The following BBX variants were observed in gnomAD, a reference collection of about 807,000 sequenced individuals.
BBX encodes BBX high mobility group box domain containing, also known as HMG box transcription factor BBX.
A neutral mutation model predicts 100.2 loss-of-function variants in BBX; 30 were observed. The observed-to-expected ratio is 0.30, with a 90% CI of 0.22 to 0.41. The LOEUF (loss-of-function observed/expected upper bound fraction) is 0.41, where lower values mean the gene tolerates loss of function less well. Ranked by LOEUF, BBX falls within the 10% of genes least tolerant of loss-of-function variation. BBX has a pLI of 1.00. For synonymous variants in BBX, 376 were observed against 388.1 expected (o/e 0.97, Z 0.37); for missense variants, 1,023 against 1,129.8 (o/e 0.91, Z 1.35).
intron 10 of BBX, among the ~76,000 whole-genome samples, chr3:107,756,019 A>G (rs17812499): frequency 1.3e-5 from 2 of 152,086 alleles, no homozygotes; most frequent in Non-Finnish European, 2.9e-5. Flanking sequence ...CCGTCTATAA[A>G]TCTCCAGAAT....
At chr3:107,718,922 A>G (rs2062315198) in intron 5 of BBX, among the ~76,000 whole-genome samples, 1 of 152,076 alleles carries the variant, frequency 6.6e-6, no homozygotes, top group Non-Finnish European at 1.5e-5. Context: ...GCTACTTTCA[A>G]AATTATTACA....
chr3:107,780,934 A>G (rs2067815054), intron 13 of BBX, among the ~76,000 whole-genome samples: 1 of 152,030 alleles, frequency 6.6e-6, no homozygotes, highest in African/African-American at 2.4e-5. Flanking sequence ...ATAAAAGAGT[A>G]TATGTCCATC....
chr3:107,699,052 C>T (rs369025257), intron 3 of BBX, among the ~76,000 whole-genome samples: 3 of 151,706 alleles, frequency 2.0e-5, no homozygotes, highest in Non-Finnish European at 2.9e-5. Context: ...GCAGTGCGCC[C>T]GGCTCTGTGT....
intron 3 of BBX, among the ~76,000 whole-genome samples, chr3:107,689,839 T>G (rs190343073): frequency 4.8e-4 from 73 of 152,304 alleles, no homozygotes; most frequent in African/African-American, 1.7e-3. Flanking sequence ...TGGAAGAAAG[T>G]ACCTGTGTTT....
At chr3:107,767,823 C>T (rs978044235) in intron 10 of BBX, among the ~76,000 whole-genome samples, 5 of 152,058 alleles carry the variant, frequency 3.3e-5, no homozygotes, top group Admixed American at 2.6e-4. Flanking sequence ...TTCCTTGGCT[C>T]CTATGTCCCC....
chr3:107,683,370 A>G (rs1286052610), intron 3 of BBX, among the ~76,000 whole-genome samples: 1 of 152,140 alleles, frequency 6.6e-6, no homozygotes, highest in Non-Finnish European at 1.5e-5. Context: ...TTTGCCATGT[A>G]TCATAAAATT....
At chr3:107,661,982 C>T (rs956207241) in intron 3 of BBX, 33 of 831,818 alleles carry the variant, frequency 4.0e-5, no homozygotes, top group Middle Eastern at 6.1e-4. Context: ...CTACTGTTCA[C>T]GCAGCATAGT....
chr3:107,701,978 A>C (rs2061092432), intron 3 of BBX, among the ~76,000 whole-genome samples: 1 of 152,212 alleles, frequency 6.6e-6, no homozygotes, highest in Admixed American at 6.5e-5. Context: ...GAGTTGAGAA[A>C]CAGAATTTAT....
chr3:107,565,502 A>C (rs1358098206), intron 2 of BBX, among the ~76,000 whole-genome samples: 2 of 147,460 alleles, frequency 1.4e-5, no homozygotes, highest in Admixed American at 1.4e-4. Context: ...ACGGAGTCTC[A>C]CTCTGTTGCC....
chr3:107,699,370 G>A (rs768999653), intron 3 of BBX, among the ~76,000 whole-genome samples: 1 of 151,878 alleles, frequency 6.6e-6, no homozygotes, highest in Non-Finnish European at 1.5e-5. Flanking sequence ...AAGTGAGAAT[G>A]AGCAAAGAAA....
intron 2 of BBX, among the ~76,000 whole-genome samples, chr3:107,533,557 C>T (rs2048301682): frequency 6.6e-6 from 1 of 152,168 alleles, no homozygotes; most frequent in Admixed American, 6.5e-5. Context: ...AAGTTAAAGG[C>T]TTCTGGGTAA....
chr3:107,661,093 C>T (rs1459680883), intron 3 of BBX, among the ~76,000 whole-genome samples: 1 of 152,108 alleles, frequency 6.6e-6, no homozygotes, highest in African/African-American at 2.4e-5. Context: ...AGTGACTGTT[C>T]ACTTAATTTC....
intron 15 of BBX, 91 bp from the exon 16 acceptor site, chr3:107,798,432 C>T (rs527773166): frequency 6.2e-5 from 76 of 1,223,722 alleles, no homozygotes; most frequent in African/African-American, 2.7e-4. Flanking sequence ...TCCATTCAGA[C>T]GGGTCAGAAA....
intron 10 of BBX, among the ~76,000 whole-genome samples, chr3:107,762,017 A>G (rs2065939474): frequency 6.6e-6 from 1 of 152,204 alleles, no homozygotes. Context: ...TCTAATACTT[A>G]AAATGCATTT....
intron 2 of BBX, among the ~76,000 whole-genome samples, chr3:107,536,886 T>C (rs1309768417): frequency 6.6e-6 from 1 of 152,202 alleles, no homozygotes; most frequent in African/African-American, 2.4e-5. Flanking sequence ...TAATCTGTGC[T>C]AATTGTTTTA....
At chr3:107,749,300 T>C (rs1317747478) in intron 9 of BBX, among the ~76,000 whole-genome samples, 6 of 152,222 alleles carry the variant, frequency 3.9e-5, no homozygotes, top group Non-Finnish European at 2.9e-5. Context: ...TTTTCTCCAG[T>C]TGTTGATGCC....
intron 2 of BBX, among the ~76,000 whole-genome samples, chr3:107,566,144 C>T (rs1345659695): frequency 4.4e-5 from 4 of 90,320 alleles, no homozygotes; most frequent in African/African-American, 1.6e-4. Flanking sequence ...CATTGCACTC[C>T]AGTCTGGGCA....
intron 3 of BBX, among the ~76,000 whole-genome samples, chr3:107,707,548 C>A (rs568664569): frequency 1.3e-5 from 2 of 152,162 alleles, no homozygotes; most frequent in East Asian, 3.9e-4. Flanking sequence ...TATGATGTAT[C>A]TAAATAATTA....
At chr3:107,766,597 TA>T (rs973573263) in intron 10 of BBX, among the ~76,000 whole-genome samples, 9 of 150,274 alleles carry the variant, frequency 6.0e-5, no homozygotes, top group South Asian at 4.2e-4. Flanking sequence ...AAAGTATAGG[TA>T]AAAAAAAAGA....
Sources: allele counts gnomAD v4.1 joint callset (sites outside exome capture counted in the v4.1 genomes callset), GRCh38; gene constraint gnomAD v4.1.1; transcripts MANE v1.5; gene names NCBI Gene and HGNC (gene_info 2026-07-23, HGNC 2026-07-21).